The following C17orf114 variants were observed in gnomAD, a reference collection of about 807,000 sequenced individuals.
C17orf114 encodes the protein uncharacterized protein C17orf114.
chr17:4,805,462 C>A (rs927331125), upstream of C17orf114, among the ~76,000 whole-genome samples: 1 of 151,562 alleles, frequency 6.6e-6, no homozygotes, highest in African/African-American at 2.4e-5. Flanking sequence ...CGGTGGCTCA[C>A]GCCTGTAATC....
At chr17:4,803,583 C>T (rs998396335), upstream of C17orf114, among the ~76,000 whole-genome samples, 1 of 151,588 alleles carries the variant, frequency 6.6e-6, no homozygotes, top group Non-Finnish European at 1.5e-5. Flanking sequence ...CACCACCACA[C>T]CCGGCTAATT....
At chr17:4,801,298 G>A (rs957339821) in exon 2 of C17orf114, 4 of 398,736 alleles carry the variant, frequency 1.0e-5, no homozygotes, top group South Asian at 1.3e-4. Context: ...TTCAAATGGT[G>A]GAGTCATTGG....
chr17:4,804,603 CTT>C (rs35194566), upstream of C17orf114, among the ~76,000 whole-genome samples: 58 of 134,500 alleles, frequency 4.3e-4, no homozygotes, highest in Admixed American at 7.4e-4. Context: ...ATGTTTCTTT[CTT>C]TTTTTTTTTT....
chr17:4,801,997 A>G (rs551573017), intron 1 of C17orf114, among the ~76,000 whole-genome samples: 20 of 152,078 alleles, frequency 1.3e-4, no homozygotes, highest in African/African-American at 2.2e-4. Context: ...CCAAAGTGCT[A>G]GGATTACAGG....
chr17:4,806,583 G>T (rs902940599), upstream of C17orf114, among the ~76,000 whole-genome samples: 1 of 152,146 alleles, frequency 6.6e-6, no homozygotes, highest in Non-Finnish European at 1.5e-5. Context: ...GAGTAAGCGC[G>T]CAATAAATGT....
upstream of C17orf114, among the ~76,000 whole-genome samples, chr17:4,804,202 T>G: frequency 6.8e-6 from 1 of 147,434 alleles, no homozygotes; most frequent in East Asian, 2.4e-4. Context: ...GTTTTTTTTC[T>G]TTTTTCTTTT....
At chr17:4,803,185 C>T (rs1025678023), upstream of C17orf114, among the ~76,000 whole-genome samples, 7 of 152,036 alleles carry the variant, frequency 4.6e-5, no homozygotes, top group Non-Finnish European at 7.3e-5. Flanking sequence ...TCCCAAAGTG[C>T]TGGGATTACA....
upstream of C17orf114, chr17:4,802,395 C>A (rs1364076897): frequency 7.5e-6 from 3 of 398,438 alleles, no homozygotes; most frequent in African/African-American, 4.1e-5. Flanking sequence ...CCAAGCCCCC[C>A]CACCATGGGC....
chr17:4,802,177 T>G, intron 1 of C17orf114, 70 bp downstream of exon 1: 1 of 398,912 alleles, frequency 2.5e-6, no homozygotes. Context: ...TTTGAGCATT[T>G]CTCTCCCTGC....
chr17:4,806,889 C>A (rs1466637530), upstream of C17orf114: 3 of 149,158 alleles, frequency 2.0e-5, no homozygotes, highest in Non-Finnish European at 4.5e-5. Context: ...ACGCTGGGAC[C>A]GACGGCGCGG....
chr17:4,803,083 A>AT (rs1567518716), upstream of C17orf114, among the ~76,000 whole-genome samples: 1 of 151,566 alleles, frequency 6.6e-6, no homozygotes. Flanking sequence ...TGCCCAGCTA[A>AT]TTTTTTTGTA....
At chr17:4,805,354 G>A (rs1409205773), upstream of C17orf114, among the ~76,000 whole-genome samples, 4 of 151,790 alleles carry the variant, frequency 2.6e-5, no homozygotes, top group Non-Finnish European at 5.9e-5. Flanking sequence ...CCCGGGAGGC[G>A]GAGGTTGCAG....
At chr17:4,802,592 C>T (rs1905541123), upstream of C17orf114, among the ~76,000 whole-genome samples, 1 of 152,170 alleles carries the variant, frequency 6.6e-6, no homozygotes, top group African/African-American at 2.4e-5. Flanking sequence ...GGTGGCACGG[C>T]AGGGACAGAC....
chr17:4,804,427 A>G (rs1231575315), upstream of C17orf114, among the ~76,000 whole-genome samples: 1 of 151,590 alleles, frequency 6.6e-6, no homozygotes. Context: ...GATGGTCTCG[A>G]TATCGTGACC....
chr17:4,802,655 G>A (rs1027351215), upstream of C17orf114, among the ~76,000 whole-genome samples: 1 of 152,152 alleles, frequency 6.6e-6, no homozygotes, highest in Admixed American at 6.5e-5. Flanking sequence ...GGCAATGCCC[G>A]ACAACTTGGC....
exon 2 of C17orf114, chr17:4,801,224 G>C: frequency 2.5e-6 from 1 of 398,494 alleles, no homozygotes; most frequent in South Asian, 1.3e-4. Flanking sequence ...CATTAGGATC[G>C]CTGAGAAATC....
upstream of C17orf114, among the ~76,000 whole-genome samples, chr17:4,805,884 C>A (rs1409426863): frequency 7.2e-6 from 1 of 139,320 alleles, no homozygotes; most frequent in Non-Finnish European, 1.5e-5. Flanking sequence ...ACCTGGGAGG[C>A]GGAGCTTGCA....
upstream of C17orf114, among the ~76,000 whole-genome samples, chr17:4,803,369 C>T (rs529973443): frequency 8.6e-5 from 13 of 151,314 alleles, no homozygotes; most frequent in African/African-American, 2.9e-4. Flanking sequence ...CAGCTCACAA[C>T]CCTCACCTTG....
chr17:4,801,396 C>T (rs981092022), exon 2 of C17orf114: 10 of 398,738 alleles, frequency 2.5e-5, no homozygotes, highest in Middle Eastern at 1.2e-3. Context: ...GGTACCCCTC[C>T]CTCAGCCATG....
Sources: allele counts gnomAD v4.1 joint callset (sites outside exome capture counted in the v4.1 genomes callset), GRCh38; gene constraint gnomAD v4.1.1; transcripts MANE v1.5; gene names NCBI Gene and HGNC (gene_info 2026-07-23, HGNC 2026-07-21).